Variants in SLIT3 observed in about 807,000 individuals in gnomAD.
SLIT3 encodes the protein slit guidance ligand 3, also known as slit homolog 3 protein.
Under a neutral mutation model 184.0 loss-of-function variants are expected in SLIT3, and 68 were observed. The ratio of observed to expected loss-of-function variants is 0.37; its 90% CI spans 0.30 to 0.45. SLIT3 has a LOEUF of 0.45. Among genes scored for constraint, SLIT3 ranks in the 20% least tolerant of loss-of-function variants. SLIT3 has a pLI of 1.00. For missense variants in SLIT3, 1,707 were observed against 2,026.0 expected (o/e 0.84, Z 3.02); for synonymous variants, 831 against 828.6 (o/e 1.00, Z -0.05).
At position 168,686,851 on chromosome 5, in the gene SLIT3, G is replaced by A. The variant is rs1265487633; in HGVS notation, c.3314+128C>T. ...CTGCAAAGGTATCAGGGGAATAAAGGCATCACCCAGAACCGGGGCTACAGC... is the reference window on the plus strand; with the variant it reads ...CTGCAAAGGTATCAGGGGAATAAAGACATCACCCAGAACCGGGGCTACAGC... On this transcript the variant is annotated intron_variant, in intron 30 of 35. Transcript: ENST00000519560. 3.9e-6 allele frequency: 4 copies of A among 1,024,362 alleles called. No homozygotes were observed. The East Asian group carries it at 9.9e-5, about 25-fold the overall frequency. 63.5% of individuals were successfully genotyped at this position (1,024,362 alleles called of 1,614,324 possible). A position where few individuals can be genotyped will look rare whatever the true frequency, so the allele number is the denominator to read the frequency against.
intron 33 of SLIT3, 123 bp downstream of exon 33, chr5:168,673,054 T>A: frequency 1.1e-6 from 1 of 869,636 alleles, no homozygotes; most frequent in South Asian, 1.6e-5. Flanking sequence ...CTTTTAGAGA[T>A]CAGCTTCGTT....
intron 4 of SLIT3, among the ~76,000 whole-genome samples, chr5:169,047,899 A>T (rs1256712496): frequency 3.3e-5 from 5 of 152,050 alleles, no homozygotes; most frequent in African/African-American, 1.2e-4. Context: ...CCAGAGCAGG[A>T]ACTAGGTGAC....
chr5:169,026,187 G>A (rs72826563), intron 4 of SLIT3: 6 of 152,322 alleles, frequency 3.9e-5, no homozygotes, highest in African/African-American at 7.2e-5. Context: ...AACTGCATCA[G>A]AAATGGGCAC....
rs1214139246 is a variant in SLIT3, at chr5:168,708,137, G to C, written c.2720-37C>G. Reference sequence around the variant, plus strand: ...AACCAGAGTACTGATGGCAGGTCCTGAGTGCGCTCACTGCCATACCTCCCT... The same window carrying C: ...AACCAGAGTACTGATGGCAGGTCCTCAGTGCGCTCACTGCCATACCTCCCT... On this transcript the variant is annotated intron_variant, in intron 25 of 35. Coordinates refer to ENST00000519560, the MANE Select transcript of SLIT3 (RefSeq NM_003062.4). The C allele has an allele frequency of 1.9e-6, 3 of 1,613,934 alleles. No individual in the cohort carries two copies. In the African/African-American group the frequency reaches 4.0e-5, roughly 22 times the overall value.
chr5:168,759,637 C>G (rs924120309), intron 16 of SLIT3, among the ~76,000 whole-genome samples: 4 of 152,182 alleles, frequency 2.6e-5, no homozygotes, highest in African/African-American at 9.7e-5. Context: ...AGCGTGGCCT[C>G]GCTCGACCCC....
intron 20 of SLIT3, among the ~76,000 whole-genome samples, chr5:168,736,511 A>G (rs11749334): frequency 0.26 from 40,146 of 152,174 alleles, 5,455 homozygotes; most frequent in African/African-American, 0.31. Context: ...TCTGGGGAGC[A>G]TGGGGGATAT....
intron 4 of SLIT3, among the ~76,000 whole-genome samples, chr5:168,912,082 G>A (rs571586406): frequency 6.6e-6 from 1 of 152,258 alleles, no homozygotes; most frequent in Non-Finnish European, 1.5e-5. Context: ...CTCCTGCTCA[G>A]CCTACTCAAC....
chr5:168,693,305 T>A (rs558957342), intron 28 of SLIT3, among the ~76,000 whole-genome samples: 8 of 152,296 alleles, frequency 5.3e-5, no homozygotes, highest in Non-Finnish European at 1.2e-4. Flanking sequence ...GCAGCCCAGT[T>A]CACCTGTTAC....
chr5:168,867,484 G>A (rs917924718), intron 5 of SLIT3, among the ~76,000 whole-genome samples: 19 of 152,200 alleles, frequency 1.2e-4, no homozygotes, highest in Admixed American at 2.6e-4. Flanking sequence ...TCTTTGGGAT[G>A]CTTCAGTGAA....
At chr5:168,983,742 A>G (rs1295397853) in intron 4 of SLIT3, among the ~76,000 whole-genome samples, 1 of 152,236 alleles carries the variant, frequency 6.6e-6, no homozygotes, top group Non-Finnish European at 1.5e-5. Context: ...ACTTATTTAA[A>G]ACAGTATAAT....
chr5:168,980,085 G>A (rs1273151309), intron 4 of SLIT3, among the ~76,000 whole-genome samples: 1 of 152,010 alleles, frequency 6.6e-6, no homozygotes, highest in Non-Finnish European at 1.5e-5. Context: ...CCACACTTTA[G>A]AGCAGGGGAC....
At chr5:168,928,689 A>T (rs763970648) in intron 4 of SLIT3, among the ~76,000 whole-genome samples, 1 of 152,240 alleles carries the variant, frequency 6.6e-6, no homozygotes, top group Non-Finnish European at 1.5e-5. Flanking sequence ...GAGGACTGAA[A>T]TTTTTTAAAA....
rs192252907 is a variant in SLIT3, at chr5:169,126,636, C to G, written c.413+66843G>C. Among the ~76,000 whole-genome samples, 337 of 152,370 alleles carry G rather than the reference C, an allele frequency of 2.2e-3. 2 individuals carry two copies. The highest frequency in any genetic ancestry group is 7.9e-3 in the South Asian group (38 of 4,826). On this transcript the variant is annotated intron_variant, in intron 4 of 35. Coordinates refer to ENST00000519560, the MANE Select transcript of SLIT3 (RefSeq NM_003062.4). ...CATCTGCTTTGCTCAGACACAGGCTCTGCTCCCTTGACACGACAACATTAA... is the reference window on the plus strand; with the variant it reads ...CATCTGCTTTGCTCAGACACAGGCTGTGCTCCCTTGACACGACAACATTAA...
chr5:168,726,412 CAG>C (rs1354787713), intron 20 of SLIT3, among the ~76,000 whole-genome samples: 2 of 1,916 alleles, frequency 1.0e-3, no homozygotes, highest in Non-Finnish European at 1.2e-3. Flanking sequence ...GGCAGGGAGG[CAG>C]AGGGAGGCAG....
At chr5:168,751,836 C>T (rs918638367) in intron 18 of SLIT3, among the ~76,000 whole-genome samples, 21 of 151,968 alleles carry the variant, frequency 1.4e-4, no homozygotes, top group African/African-American at 3.9e-4. Flanking sequence ...CTCCCGGGTT[C>T]AAGCGATTCT....
intron 3 of SLIT3, among the ~76,000 whole-genome samples, chr5:169,212,694 C>T (rs1764306357): frequency 6.6e-6 from 1 of 152,146 alleles, no homozygotes. Context: ...AGTCTTTGCC[C>T]ATGCCTATGT....
chr5:169,017,599 G>C (rs538626775), intron 4 of SLIT3, among the ~76,000 whole-genome samples: 47 of 152,310 alleles, frequency 3.1e-4, no homozygotes, highest in Non-Finnish European at 6.3e-4. Flanking sequence ...CAGCTCCTTT[G>C]AGTCAACTGA....
chr5:169,275,736 C>T (rs966570341), intron 1 of SLIT3, among the ~76,000 whole-genome samples: 1 of 152,140 alleles, frequency 6.6e-6, no homozygotes, highest in African/African-American at 2.4e-5. Flanking sequence ...AAGACCAGCC[C>T]CCATGATTCA....
At chr5:168,743,701 T>C (rs1457392291) in intron 20 of SLIT3, among the ~76,000 whole-genome samples, 1 of 152,188 alleles carries the variant, frequency 6.6e-6, no homozygotes, top group Non-Finnish European at 1.5e-5. Flanking sequence ...CGAAGACGGA[T>C]CAAAGCTAGG....
Sources: gnomAD v4.1 joint callset for allele counts (sites outside exome capture counted in the v4.1 genomes callset) on GRCh38, gnomAD v4.1.1 for gene constraint, MANE v1.5 for transcripts, NCBI Gene and HGNC (gene_info 2026-07-23, HGNC 2026-07-21) for gene names.